PCDH9: variants seen among roughly 807,000 people sequenced by gnomAD.
PCDH9 encodes protocadherin 9, also known as protocadherin-9.
Under a neutral mutation model 70.6 loss-of-function variants are expected in PCDH9, and 24 were observed. The ratio of observed to expected loss-of-function variants is 0.34; its 90% CI spans 0.25 to 0.48. The LOEUF (loss-of-function observed/expected upper bound fraction) is 0.48, where lower values mean the gene tolerates loss of function less well. PCDH9 is among the 20% of genes least tolerant of loss of function. The pLI is 0.99. For synonymous variants in PCDH9, 562 were observed against 558.5 expected, an observed-to-expected ratio of 1.01 and a Z score of -0.09; for missense variants, 1,281 against 1,503.6, an observed-to-expected ratio of 0.85 and a Z score of 2.45.
chr13:66,658,502 C>T (rs1249515827), intron 3 of PCDH9, among the ~76,000 whole-genome samples: 1 of 152,028 alleles, frequency 6.6e-6, no homozygotes, highest in Non-Finnish European at 1.5e-5. Context: ...AATGTATATA[C>T]ATATAGCAAT....
At chr13:67,119,017 G>A (rs1289066490) in intron 2 of PCDH9, among the ~76,000 whole-genome samples, 1 of 152,066 alleles carries the variant, frequency 6.6e-6, no homozygotes. Context: ...GGTTTATAAC[G>A]GTGAATTAAA....
intron 3 of PCDH9, among the ~76,000 whole-genome samples, chr13:66,733,498 G>A (rs114798673): frequency 6.6e-6 from 1 of 152,088 alleles, no homozygotes; most frequent in African/African-American, 2.4e-5. Flanking sequence ...TAGTTTGGCA[G>A]GTATAAGCTG....
intron 4 of PCDH9, among the ~76,000 whole-genome samples, chr13:66,620,892 G>A (rs945856583): frequency 1.3e-5 from 2 of 152,008 alleles, no homozygotes; most frequent in African/African-American, 4.8e-5. Context: ...CTGAGTCTTG[G>A]TTTTAATGTC....
At chr13:66,947,082 T>C (rs543695069) in intron 2 of PCDH9, among the ~76,000 whole-genome samples, 1 of 152,296 alleles carries the variant, frequency 6.6e-6, no homozygotes, top group Non-Finnish European at 1.5e-5. Context: ...AATTACAAGT[T>C]TGTCCTGCCA....
intron 4 of PCDH9, among the ~76,000 whole-genome samples, chr13:66,532,875 A>G (rs1465645016): frequency 1.3e-5 from 2 of 152,184 alleles, no homozygotes; most frequent in Admixed American, 6.6e-5. Flanking sequence ...ACAGTATTAC[A>G]GTATTTCAGA....
intron 2 of PCDH9, among the ~76,000 whole-genome samples, chr13:66,969,263 G>T (rs2083478648): frequency 1.3e-5 from 2 of 151,904 alleles, no homozygotes; most frequent in Non-Finnish European, 2.9e-5. Context: ...TAAGCCCACT[G>T]ATTTTTATTT....
intron 3 of PCDH9, among the ~76,000 whole-genome samples, chr13:66,649,419 A>C (rs1305039541): frequency 1.3e-5 from 2 of 151,974 alleles, no homozygotes; most frequent in Non-Finnish European, 2.9e-5. Context: ...TTTGAAGTGC[A>C]AAAGAAAAAA....
chr13:67,003,118 C>G (rs2084279012), intron 2 of PCDH9, among the ~76,000 whole-genome samples: 1 of 151,942 alleles, frequency 6.6e-6, no homozygotes, highest in Admixed American at 6.6e-5. Context: ...AACTGGTTGA[C>G]CTGGTTTATT....
chr13:66,730,882 T>G (rs1387864332), intron 3 of PCDH9, among the ~76,000 whole-genome samples: 2 of 16,326 alleles, frequency 1.2e-4, no homozygotes, highest in African/African-American at 1.9e-4. Context: ...GTGTGTTTTT[T>G]TTTTGTTTGT....
intron 4 of PCDH9, among the ~76,000 whole-genome samples, chr13:66,415,082 A>G (rs952443690): frequency 3.9e-5 from 6 of 152,092 alleles, no homozygotes; most frequent in African/African-American, 1.4e-4. Flanking sequence ...TTAGATAGAG[A>G]CCAGTATAAT....
chr13:66,699,734 G>A (rs76808243), intron 3 of PCDH9, among the ~76,000 whole-genome samples: 8 of 152,130 alleles, frequency 5.3e-5, no homozygotes, highest in Admixed American at 1.3e-4. Context: ...TAAATTTCTC[G>A]CAATAAATTA....
At position 66,784,015 on chromosome 13, in the gene PCDH9, A is replaced by G. The variant is rs1353426465; in HGVS notation, c.3138+119489T>C. Among the ~76,000 whole-genome samples the G allele has an allele frequency of 6.6e-5, 10 of 152,322 alleles. No individual in the cohort carries two copies. The East Asian group carries it at 1.9e-3, about 29-fold the overall frequency. ...AAATTAAATAATTGAGAAAACCTTC[A>G]TAAACAAGTTAGATTATACATCAAC... On this transcript the variant is annotated intron_variant, in intron 3 of 4. Transcript: ENST00000377865.
At chr13:66,792,314 G>A (rs193004773) in intron 3 of PCDH9, among the ~76,000 whole-genome samples, 5 of 152,136 alleles carry the variant, frequency 3.3e-5, no homozygotes, top group African/African-American at 9.7e-5. Context: ...TAGAACATAT[G>A]TATACATTGT....
intron 4 of PCDH9, among the ~76,000 whole-genome samples, chr13:66,393,677 T>C (rs1957056466): frequency 6.6e-6 from 1 of 152,144 alleles, no homozygotes; most frequent in Admixed American, 6.5e-5. Flanking sequence ...ATAAATGAAA[T>C]AAATGTGCAT....
intron 2 of PCDH9, among the ~76,000 whole-genome samples, chr13:67,174,936 G>A (rs1228989089): frequency 6.8e-6 from 1 of 147,518 alleles, no homozygotes; most frequent in Non-Finnish European, 1.5e-5. Flanking sequence ...TTTGAGATGG[G>A]GCCATATTTT....
chr13:66,370,586 C>A (rs943445270), intron 4 of PCDH9, among the ~76,000 whole-genome samples: 15 of 150,618 alleles, frequency 1.0e-4, no homozygotes, highest in African/African-American at 3.7e-4. Flanking sequence ...TCATGTCTCG[C>A]TCTATCCTTG....
chr13:66,781,492 T>A (rs188644386), intron 3 of PCDH9, among the ~76,000 whole-genome samples: 1 of 152,312 alleles, frequency 6.6e-6, no homozygotes, highest in East Asian at 1.9e-4. Context: ...GCATGGGAAA[T>A]TATAATTAGT....
rs893680829 is a variant in PCDH9 at position 66,376,734 on chromosome 13, G to C, written c.3341-71706C>G. On this transcript the variant is annotated intron_variant, in intron 4 of 4. Transcript: ENST00000377865. Reference sequence around the variant, plus strand: ...CTTTAAATGCTAGATCTATGTAGAAGATTATGAAAATGAATGAATTATACT... The same window carrying C: ...CTTTAAATGCTAGATCTATGTAGAACATTATGAAAATGAATGAATTATACT... Among the ~76,000 whole-genome samples the C allele has an allele frequency of 3.2e-4, 48 of 152,002 alleles. 1 individual carries two copies. Among genetic ancestry groups the C allele is most frequent in the Non-Finnish European group, 2.9e-5 (2 of 67,990 alleles).
chr13:66,413,775 A>C (rs1468641793), intron 4 of PCDH9, among the ~76,000 whole-genome samples: 1 of 152,030 alleles, frequency 6.6e-6, no homozygotes, highest in African/African-American at 2.4e-5. Context: ...ATATGTTTGG[A>C]TTGAGCTATA....
Sources: allele counts gnomAD v4.1 joint callset (sites outside exome capture counted in the v4.1 genomes callset), GRCh38; gene constraint gnomAD v4.1.1; transcripts MANE v1.5; gene names NCBI Gene and HGNC (gene_info 2026-07-23, HGNC 2026-07-21).